The following AHI1 variants were observed in gnomAD, a reference collection of about 807,000 sequenced individuals.
AHI1 encodes Abelson helper integration site 1.
Under a neutral mutation model 149.3 loss-of-function variants are expected in AHI1, and 123 were observed. That is an observed-to-expected ratio of 0.82 (90% confidence interval 0.71 to 0.96). The LOEUF (loss-of-function observed/expected upper bound fraction) is 0.96, where lower values mean the gene tolerates loss of function less well. AHI1 is among the 40% of genes least tolerant of loss of function. The pLI is 0.00. For missense variants in AHI1, 1,439 were observed against 1,422.7 expected, an observed-to-expected ratio of 1.01 and a Z score of -0.18; for synonymous variants, 475 against 459.8, an observed-to-expected ratio of 1.03 and a Z score of -0.42.
At chr6:135,417,374 AG>A (rs1229814847) in intron 20 of AHI1, among the ~76,000 whole-genome samples, 2 of 152,060 alleles carry the variant, frequency 1.3e-5, no homozygotes, top group South Asian at 4.1e-4. Flanking sequence ...CACCTACGTA[AG>A]TAACAGTTAC....
intron 23 of AHI1, among the ~76,000 whole-genome samples, chr6:135,393,921 G>A (rs1778867606): frequency 6.6e-6 from 1 of 152,068 alleles, no homozygotes; most frequent in African/African-American, 2.4e-5. Flanking sequence ...GTGAATCCAA[G>A]CATTTTCTCA....
intron 26 of AHI1, among the ~76,000 whole-genome samples, chr6:135,303,021 C>G (rs1388748487): frequency 1.3e-5 from 2 of 152,116 alleles, no homozygotes; most frequent in Non-Finnish European, 2.9e-5. Flanking sequence ...GAAAAAGTGA[C>G]GAGTGAAAGG....
intron 23 of AHI1, among the ~76,000 whole-genome samples, chr6:135,361,983 C>T (rs1022531410): frequency 2.0e-4 from 31 of 152,194 alleles, no homozygotes; most frequent in African/African-American, 6.7e-4. Context: ...TCTTCTATCC[C>T]TCACCCCTGT....
chr6:135,360,775 C>T (rs912607008), intron 23 of AHI1, among the ~76,000 whole-genome samples: 14 of 151,840 alleles, frequency 9.2e-5, no homozygotes, highest in East Asian at 1.9e-4. Context: ...TGCATATATC[C>T]GAATGAACTC....
At chr6:135,352,689 C>T (rs1792308051) in intron 24 of AHI1, among the ~76,000 whole-genome samples, 1 of 128,902 alleles carries the variant, frequency 7.8e-6, no homozygotes. Flanking sequence ...TACTCAAAGA[C>T]ACATTGTGTG....
At chr6:135,493,835 G>A (rs1206237168) in intron 3 of AHI1, among the ~76,000 whole-genome samples, 3 of 152,172 alleles carry the variant, frequency 2.0e-5, no homozygotes, top group African/African-American at 7.2e-5. Flanking sequence ...TTGAGGTCAG[G>A]AGTTTGTGTC....
Position 135,342,720 on chromosome 6 carries a change from AG to A in AHI1, c.3165+15411del, listed in dbSNP as rs546311698. Among the ~76,000 whole-genome samples the A allele has an allele frequency of 1.3e-3, 203 of 152,000 alleles. 1 individual carries two copies. The highest frequency in any genetic ancestry group is 4.7e-3 in the African/African-American group (195 of 41,562). On this transcript the variant is annotated intron_variant, in intron 24 of 28. Transcript: ENST00000265602. The stretch of plus-strand genomic sequence containing the variant: ...TTTCCTAAGAAAAACACTCAACAAA[AG>A]TAAGAACACAAGGAAATGTCCTCAA...
chr6:135,323,293 C>A lies in AHI1; in HGVS notation c.3197G>T (p.Arg1066Leu). The change falls in exon 25 of 29, where the codon CGA becomes CTA. Residue 1066 changes from arginine to leucine, a missense_variant. Physicochemically the swap from Arg to Leu is moderately radical, Grantham distance 102 (BLOSUM62 -2). Coordinates refer to ENST00000265602, the MANE Select transcript of AHI1 (RefSeq NM_001134831.2). The stretch of plus-strand genomic sequence containing the variant: ...GCGATGGATGGTTAGTTCATCTGAT[C>A]GATTCGCTGTGTAGTCATAAAGAGC... ...VVALYDYTANRSDELTIHRGD... is the reference protein window; with the variant it reads ...VVALYDYTANLSDELTIHRGD... 6.2e-7 allele frequency: 1 copy of A among 1,613,544 alleles called. No homozygotes were observed.
In AHI1 at chr6:135,375,663, G is replaced by A. The variant is rs140424317; in HGVS notation, c.3110-17476C>T. Among the ~76,000 whole-genome samples, 1,115 of 152,170 alleles carry A rather than the reference G, an allele frequency of 7.3e-3. 18 individuals are homozygous for A. Among genetic ancestry groups the A allele is most frequent in the African/African-American group, 0.025 (1,057 of 41,528 alleles). ...GACAAGGCTCCCTATTATGTCAAAC[G>A]AAAGCATACAAATATACAATAAAGA... On this transcript the variant is annotated intron_variant, in intron 23 of 28. Transcript: ENST00000265602.
At chr6:135,431,455 C>G in intron 16 of AHI1, 141 bp from the exon 17 acceptor site, 2 of 468,932 alleles carry the variant, frequency 4.3e-6, no homozygotes, top group Admixed American at 3.9e-5. Context: ...TTTAAAAAAG[C>G]CAAAAATCAA....
intron 26 of AHI1, among the ~76,000 whole-genome samples, chr6:135,309,489 T>C (rs1784902624): frequency 6.6e-6 from 1 of 151,900 alleles, no homozygotes; most frequent in African/African-American, 2.4e-5. Context: ...TTTAGTTTTT[T>C]TTTTTTTTTT....
chr6:135,370,500 A>G (rs916734936), intron 23 of AHI1, among the ~76,000 whole-genome samples: 2 of 152,168 alleles, frequency 1.3e-5, no homozygotes, highest in African/African-American at 4.8e-5. Context: ...AAGTTCAGCT[A>G]ATCTCTCCTT....
At chr6:135,448,826 A>G (rs1199595150) in intron 11 of AHI1, among the ~76,000 whole-genome samples, 3 of 152,230 alleles carry the variant, frequency 2.0e-5, no homozygotes, top group African/African-American at 7.2e-5. Context: ...ACTAAACTGT[A>G]TATTTACACA....
At chr6:135,425,566 G>T (rs1350620573) in intron 20 of AHI1, among the ~76,000 whole-genome samples, 1 of 151,778 alleles carries the variant, frequency 6.6e-6, no homozygotes, top group Non-Finnish European at 1.5e-5. Flanking sequence ...CACAGTCATG[G>T]TCTCATAGTA....
chr6:135,341,516 A>T (rs549632493), intron 24 of AHI1, among the ~76,000 whole-genome samples: 1 of 152,084 alleles, frequency 6.6e-6, no homozygotes, highest in East Asian at 1.9e-4. Context: ...TTCACTTAAC[A>T]AAAGCAGAAT....
intron 26 of AHI1, among the ~76,000 whole-genome samples, chr6:135,308,298 C>T (rs186401469): frequency 2.7e-4 from 41 of 152,246 alleles, no homozygotes; most frequent in African/African-American, 7.9e-4. Context: ...TGCAGTAGCA[C>T]GATCACTGTT....
Position 135,431,260 on chromosome 6 carries a change from T to C in AHI1, c.2321A>G (p.Tyr774Cys). 6.2e-7 allele frequency: 1 copy of C among 1,609,456 alleles called. No homozygotes were observed. The highest frequency in any genetic ancestry group is 8.5e-7 in the Non-Finnish European group (1 of 1,177,222). Residue 774 changes from tyrosine to cysteine, a missense_variant, in exon 17 of 29, where the codon TAT becomes TGT. Coordinates refer to ENST00000265602, the MANE Select transcript of AHI1 (RefSeq NM_001134831.2). Reference protein sequence around the residue: ...CTGVIVVWNTYVKINDLEHSV... With the variant: ...CTGVIVVWNTCVKINDLEHSV... ...ATGTTCCAAATCATTAATCTTGACA[T>C]AGGTATTCCAAACAACAATCACCCC...
Position 135,442,563 on chromosome 6 carries a change from A to G in AHI1, c.1912+19T>C. On this transcript the variant is annotated intron_variant, in intron 14 of 28. Transcript: ENST00000265602. ...CACGTGGACTACAATCAGATTAAACAGGTAGGATTATTACTCACAAATAAT... is the reference window on the plus strand; with the variant it reads ...CACGTGGACTACAATCAGATTAAACGGGTAGGATTATTACTCACAAATAAT... The G allele has an allele frequency of 6.3e-7, 1 of 1,596,420 alleles. No individual in the cohort carries two copies. The highest frequency in any genetic ancestry group is 1.1e-5 in the South Asian group (1 of 87,224).
At chr6:135,346,178 G>T (rs1389896586) in intron 24 of AHI1, among the ~76,000 whole-genome samples, 1 of 151,936 alleles carries the variant, frequency 6.6e-6, no homozygotes, top group African/African-American at 2.4e-5. Context: ...ACTGAGCTGT[G>T]CTTATTTTTA....
Sources: allele counts gnomAD v4.1 joint callset (sites outside exome capture counted in the v4.1 genomes callset), GRCh38; gene constraint gnomAD v4.1.1; transcripts MANE v1.5; gene names NCBI Gene and HGNC (gene_info 2026-07-23, HGNC 2026-07-21).